RNF128: variants seen among roughly 807,000 people sequenced by gnomAD.
RNF128 encodes E3 ubiquitin-protein ligase RNF128.
RNF128 carries 13 observed loss-of-function variants against 26.2 expected under a neutral mutation model. The observed-to-expected ratio is 0.50, with a 90% CI of 0.32 to 0.79. The LOEUF (loss-of-function observed/expected upper bound fraction) is 0.79, where lower values mean the gene tolerates loss of function less well. Among genes scored for constraint, RNF128 ranks in the 30% least tolerant of loss-of-function variants. The pLI is 0.03. For synonymous variants in RNF128, 149 were observed against 142.5 expected, an observed-to-expected ratio of 1.05 and a Z score of -0.32; for missense variants, 315 against 349.7, an observed-to-expected ratio of 0.90 and a Z score of 0.79.
rs1929431249 is a variant in RNF128, at chrX:106,727,753, C to T, written c.484+356C>T. Among the ~76,000 whole-genome samples, 3 of 111,251 alleles carry T rather than the reference C, an allele frequency of 2.7e-5. No individual in the cohort carries two copies. The South Asian group carries it at 1.2e-3, about 43-fold the overall frequency. ...GGGTCTTAAATGACCGAGGAGATCACCTGGAAATCTCTTCCTCACTCTGCT... is the reference window on the plus strand; with the variant it reads ...GGGTCTTAAATGACCGAGGAGATCATCTGGAAATCTCTTCCTCACTCTGCT... On this transcript the variant is annotated intron_variant, in intron 1 of 6. Coordinates refer to ENST00000255499, the MANE Select transcript of RNF128 (RefSeq NM_194463.2).
intron 4 of RNF128, among the ~76,000 whole-genome samples, chrX:106,788,381 T>TATATATA (rs1569445312): frequency 2.5e-5 from 1 of 39,551 alleles, no homozygotes; most frequent in African/African-American, 1.9e-4. Context: ...TATTATATAT[T>TATATATA]ATATATAATA....
At chrX:106,709,548 A>G (rs1929091412) in intron 1 of RNF128, among the ~76,000 whole-genome samples, 1 of 109,583 alleles carries the variant, frequency 9.1e-6, no homozygotes, top group Non-Finnish European at 1.9e-5. Flanking sequence ...AACTGTTATA[A>G]CTTCTTTTTT....
Position 106,796,480 on chromosome X carries a change from GAGTA to G in RNF128, c.*773_*776del, listed in dbSNP as rs534448541. On this transcript the variant is annotated 3_prime_UTR_variant, in exon 7 of 7. Transcript: ENST00000255499. ...ATACTGTTTGAAATTGCTAATGACA[GAGTA>G]AGTAACACTAATATTGGTCATTGAT... 1 of 111,865 alleles carries G rather than the reference GAGTA, an allele frequency of 8.9e-6. No individual in the cohort carries two copies. The highest frequency in any genetic ancestry group is 3.2e-5 in the African/African-American group (1 of 30,799). 9.2% of individuals were successfully genotyped at this position (111,865 alleles called of 1,213,427 possible).
intron 1 of RNF128, among the ~76,000 whole-genome samples, chrX:106,721,459 C>T (rs1602367246): frequency 1.8e-5 from 2 of 112,279 alleles, no homozygotes; most frequent in Admixed American, 1.9e-4. Flanking sequence ...CAATGGTTCC[C>T]TGCTGTTGCT....
rs1204187682 is a variant in RNF128 at position 106,787,988 on chromosome X, T to A, written c.875T>A (p.Ile292Asn). 21 of 1,148,869 alleles carry A rather than the reference T, an allele frequency of 1.8e-5. No individual in the cohort carries two copies. Among genetic ancestry groups the A allele is most frequent in the Middle Eastern group, 2.4e-4 (1 of 4,159 alleles). The allele number at this position is 1,148,869 out of a possible 1,213,427, so 94.7% of individuals were successfully genotyped here. ...TATAAACCAAATGATTTGGTACGCA[T>A]CTTAACGTGCAAGTAAGTTTGATTT... is the stretch of plus-strand genomic sequence containing the variant. Reference protein sequence around the residue: ...ELYKPNDLVRILTCNHIFHKT... With the variant: ...ELYKPNDLVRNLTCNHIFHKT... Residue 292 changes from isoleucine to asparagine, a missense_variant, in exon 4 of 7, where the codon ATC becomes AAC. Transcript: ENST00000255499.
chrX:106,765,122 A>G (rs1930195408), intron 1 of RNF128, among the ~76,000 whole-genome samples: 1 of 112,063 alleles, frequency 8.9e-6, no homozygotes, highest in South Asian at 3.7e-4. Context: ...TGAGTCATTA[A>G]TCTCTATCAA....
At chrX:106,694,493 C>A in intron 1 of RNF128, 1 of 696,547 alleles carries the variant, frequency 1.4e-6, no homozygotes, top group Non-Finnish European at 2.0e-6. Context: ...TAGGATCTGG[C>A]AACAAGGTTG....
intron 6 of RNF128, among the ~76,000 whole-genome samples, chrX:106,793,841 T>A (rs1375849421): frequency 2.7e-5 from 3 of 111,322 alleles, no homozygotes; most frequent in African/African-American, 9.8e-5. Context: ...GTGATGTTGG[T>A]GTCTTATTAG....
chrX:106,730,407 A>G (rs1929481271), intron 1 of RNF128, among the ~76,000 whole-genome samples: 1 of 112,372 alleles, frequency 8.9e-6, no homozygotes, highest in African/African-American at 3.2e-5. Context: ...CTGAAAGGAA[A>G]TTAGGAGAAA....
chrX:106,733,775 A>G (rs1254744255), intron 1 of RNF128, among the ~76,000 whole-genome samples: 2 of 110,768 alleles, frequency 1.8e-5, no homozygotes, highest in Non-Finnish European at 3.8e-5. Context: ...GTCTCAGCTC[A>G]CTGAAACCTC....
chrX:106,709,168 A>C (rs1929086636), intron 1 of RNF128, among the ~76,000 whole-genome samples: 2 of 111,953 alleles, frequency 1.8e-5, no homozygotes, highest in African/African-American at 6.5e-5. Context: ...ATAATTTCAT[A>C]ATGAAAGTAG....
intron 5 of RNF128, 54 bp from the exon 6 acceptor site, chrX:106,791,012 C>G (rs935378679): frequency 2.8e-6 from 3 of 1,079,769 alleles, no homozygotes; most frequent in African/African-American, 3.7e-5. Context: ...AGTGATATGT[C>G]GAGGAAAAGC....
intron 1 of RNF128, among the ~76,000 whole-genome samples, chrX:106,752,799 G>T (rs1430101974): frequency 9.0e-6 from 1 of 111,718 alleles, no homozygotes; most frequent in Non-Finnish European, 1.9e-5. Flanking sequence ...GAAGCTCAGT[G>T]AAATTCCAGA....
intron 1 of RNF128, among the ~76,000 whole-genome samples, chrX:106,765,925 G>GTTC (rs2147690503): frequency 1.0e-5 from 1 of 98,296 alleles, no homozygotes; most frequent in East Asian, 3.3e-4. Flanking sequence ...GTGTCCAAGT[G>GTTC]TTCTCATTGT....
At chrX:106,795,420 A>G (rs1371958119) in intron 6 of RNF128, among the ~76,000 whole-genome samples, 160 bp from the exon 7 acceptor site, 1 of 112,037 alleles carries the variant, frequency 8.9e-6, no homozygotes, top group East Asian at 2.8e-4. Context: ...TATGTAAGAT[A>G]TAGCATAAAT....
rs1930100796 is a variant in RNF128 at position 106,760,496 on chromosome X, C to A, written c.485-12417C>A. Among the ~76,000 whole-genome samples, 3 of 111,603 alleles carry A rather than the reference C, an allele frequency of 2.7e-5. No homozygotes were observed. In the South Asian group the frequency reaches 1.1e-3, roughly 41 times the overall value. On this transcript the variant is annotated intron_variant, in intron 1 of 6. Transcript: ENST00000255499. ...GAGACAAAAAACAAACAAATACTGG[C>A]AAGGATGTGGAGAAAAGGGAACTCT... is the stretch of plus-strand genomic sequence containing the variant.
intron 1 of RNF128, among the ~76,000 whole-genome samples, chrX:106,704,492 G>C (rs887880397): frequency 2.8e-5 from 3 of 108,394 alleles, no homozygotes; most frequent in Admixed American, 9.9e-5. Context: ...ATGTGGGAGT[G>C]AAGAGACTCC....
At chrX:106,738,595 A>T (rs906649541) in intron 1 of RNF128, among the ~76,000 whole-genome samples, 3 of 111,749 alleles carry the variant, frequency 2.7e-5, no homozygotes, top group Non-Finnish European at 1.9e-5. Context: ...CAAAACCTTA[A>T]AATCAAGATA....
intron 1 of RNF128, among the ~76,000 whole-genome samples, chrX:106,770,626 G>C (rs775473190): frequency 4.5e-5 from 5 of 111,170 alleles, no homozygotes; most frequent in Non-Finnish European, 9.4e-5. Flanking sequence ...TCTCTACACT[G>C]TTTATTCTAG....
Sources: allele counts gnomAD v4.1 joint callset (sites outside exome capture counted in the v4.1 genomes callset), GRCh38; gene constraint gnomAD v4.1.1; transcripts MANE v1.5; gene names NCBI Gene and HGNC (gene_info 2026-07-23, HGNC 2026-07-21).